Variants in PLEKHM3 observed in about 807,000 individuals in gnomAD.
PLEKHM3 encodes the protein pleckstrin homology domain-containing family M member 3.
PLEKHM3 carries 45 observed loss-of-function variants against 81.8 expected under a neutral mutation model. The observed-to-expected ratio is 0.55, with a 90% CI of 0.43 to 0.71. PLEKHM3 has a LOEUF of 0.71. Among genes scored for constraint, PLEKHM3 ranks in the 30% least tolerant of loss-of-function variants. The probability of loss-of-function intolerance (pLI) is 0.00; values close to 1 mark genes in which losing one functional copy is unlikely to be tolerated. For synonymous variants in PLEKHM3, 352 were observed against 356.4 expected, an observed-to-expected ratio of 0.99 and a Z score of 0.14; for missense variants, 788 against 924.3, an observed-to-expected ratio of 0.85 and a Z score of 1.91.
chr2:207,871,933 T>A (rs1358771430), intron 6 of PLEKHM3, among the ~76,000 whole-genome samples: 1 of 152,220 alleles, frequency 6.6e-6, no homozygotes, highest in Non-Finnish European at 1.5e-5. Context: ...CTGATTTAGG[T>A]CTCTACTATT....
intron 3 of PLEKHM3, among the ~76,000 whole-genome samples, chr2:207,968,929 TTCA>T (rs967426977): frequency 5.9e-5 from 9 of 152,222 alleles, no homozygotes; most frequent in Non-Finnish European, 1.2e-4. Context: ...TGAGTTTTCC[TTCA>T]TTGTCTTTTC....
At chr2:208,016,696 C>CACACACACACACA (rs368432659) in intron 1 of PLEKHM3, among the ~76,000 whole-genome samples, 58 of 148,386 alleles carry the variant, frequency 3.9e-4, no homozygotes, top group African/African-American at 5.2e-4. Flanking sequence ...CACACACACA[C>CACACACACACACA]CCTGGTTTCA....
intron 7 of PLEKHM3, among the ~76,000 whole-genome samples, chr2:207,857,323 T>C (rs2092441997): frequency 6.6e-6 from 1 of 152,244 alleles, no homozygotes; most frequent in African/African-American, 2.4e-5. Context: ...AAAATGAATC[T>C]GGACACTCTT....
At chr2:208,017,368 G>A (rs1281153591) in intron 1 of PLEKHM3, among the ~76,000 whole-genome samples, 1 of 152,050 alleles carries the variant, frequency 6.6e-6, no homozygotes, top group Non-Finnish European at 1.5e-5. Context: ...ATAAACCAAC[G>A]AACTGGTGGA....
At chr2:207,984,396 CT>C (rs996009765) in intron 2 of PLEKHM3, among the ~76,000 whole-genome samples, 70 of 146,958 alleles carry the variant, frequency 4.8e-4, no homozygotes, top group Non-Finnish European at 4.7e-4. Context: ...TCAAATATTT[CT>C]TTTTTTTTTT....
intron 5 of PLEKHM3, among the ~76,000 whole-genome samples, chr2:207,920,022 A>G (rs1314540506): frequency 1.3e-5 from 2 of 152,182 alleles, no homozygotes; most frequent in Non-Finnish European, 2.9e-5. Flanking sequence ...AAAAGTGGCA[A>G]TCTTTATAAT....
Position 207,826,809 on chromosome 2 carries a change from C to T in PLEKHM3, c.*1510G>A, listed in dbSNP as rs2092253968. On this transcript the variant is annotated 3_prime_UTR_variant, in exon 8 of 8. Coordinates refer to ENST00000427836, the MANE Select transcript of PLEKHM3 (RefSeq NM_001080475.3). ...AGACATAGAAGGCATCTGCTCAGCG[C>T]GAAAGCTACAGAATCTTCTCATAAA... 1 of 152,132 alleles carries T rather than the reference C, an allele frequency of 6.6e-6. No individual in the cohort carries two copies. The highest frequency in any genetic ancestry group is 2.1e-4 in the South Asian group (1 of 4,834). The allele number at this position is 152,132 out of a possible 1,614,324, so 9.4% of individuals were successfully genotyped here.
At chr2:207,994,382 A>G (rs1011602979) in intron 2 of PLEKHM3, among the ~76,000 whole-genome samples, 1 of 152,234 alleles carries the variant, frequency 6.6e-6, no homozygotes, top group Non-Finnish European at 1.5e-5. Context: ...TCATTACTCA[A>G]TGAACAAGAA....
intron 7 of PLEKHM3, among the ~76,000 whole-genome samples, chr2:207,842,158 C>T (rs185887790): frequency 1.5e-4 from 23 of 152,264 alleles, no homozygotes; most frequent in Non-Finnish European, 5.9e-5. Flanking sequence ...AGGATGGCCT[C>T]GATCTGACCT....
At position 207,977,401 on chromosome 2, in the gene PLEKHM3, A is replaced by G. The variant is rs1448941854; in HGVS notation, c.796T>C (p.Ser266Pro). ...TYQLSHFQSISVLGNLEARMV... is the reference protein window; with the variant it reads ...TYQLSHFQSIPVLGNLEARMV... Reference sequence around the variant, plus strand: ...CTGGCCTCCAGGTTGCCTAAAACAGATATGCTCTGGAAGTGTGAAAGCTGG... The same window carrying G: ...CTGGCCTCCAGGTTGCCTAAAACAGGTATGCTCTGGAAGTGTGAAAGCTGG... The change falls in exon 3 of 8, where the codon TCT becomes CCT. Residue 266 changes from serine to proline, a missense_variant. Ser to Pro is a moderately conservative substitution (Grantham distance 74, BLOSUM62 -1). Transcript: ENST00000427836. 1.9e-6 allele frequency: 3 copies of G among 1,614,144 alleles called. No individual in the cohort carries two copies. The South Asian group carries it at 3.3e-5, about 18-fold the overall frequency.
At chr2:207,865,801 AAGATATAT>A (rs1182037298) in intron 6 of PLEKHM3, among the ~76,000 whole-genome samples, 7 of 25,290 alleles carry the variant, frequency 2.8e-4, no homozygotes, top group African/African-American at 1.5e-3. Context: ...AAAAAAAAAA[AAGATATAT>A]ATATATATAT....
chr2:207,833,111 C>CAAAAAA (rs71036960), intron 7 of PLEKHM3, among the ~76,000 whole-genome samples: 9 of 76,858 alleles, frequency 1.2e-4, no homozygotes, highest in Non-Finnish European at 1.3e-4. Context: ...GACACCATCT[C>CAAAAAA]AAAAAAAAAA....
chr2:207,981,475 A>G (rs1691521176), intron 2 of PLEKHM3, among the ~76,000 whole-genome samples: 2 of 152,118 alleles, frequency 1.3e-5, no homozygotes. Context: ...CCTCCTAAGT[A>G]GCTGGGAGTA....
At chr2:208,007,419 C>T (rs1692530020) in intron 1 of PLEKHM3, among the ~76,000 whole-genome samples, 1 of 152,126 alleles carries the variant, frequency 6.6e-6, no homozygotes, top group African/African-American at 2.4e-5. Context: ...GGAGCACAGG[C>T]ATGCCGCAAG....
Position 207,876,475 on chromosome 2 carries a change from A to G in PLEKHM3, c.1951-15213T>C, listed in dbSNP as rs549408744. On this transcript the variant is annotated intron_variant, in intron 6 of 7. Coordinates refer to ENST00000427836, the MANE Select transcript of PLEKHM3 (RefSeq NM_001080475.3). ...AAAAGTTCTTGAAAATTGCCTATCA[A>G]TGAATCTGTCATGACTATATCAGGC... Among the ~76,000 whole-genome samples, 14 of 152,340 alleles carry G rather than the reference A, an allele frequency of 9.2e-5. No homozygotes were observed. In the South Asian group the frequency reaches 2.9e-3, roughly 32 times the overall value.
At chr2:207,968,202 T>G (rs543725240) in intron 3 of PLEKHM3, among the ~76,000 whole-genome samples, 1 of 152,190 alleles carries the variant, frequency 6.6e-6, no homozygotes, top group African/African-American at 2.4e-5. Context: ...TTGTGTGCCC[T>G]CAGACTATAA....
At chr2:207,904,329 G>A (rs1244564917) in intron 6 of PLEKHM3, among the ~76,000 whole-genome samples, 1 of 152,156 alleles carries the variant, frequency 6.6e-6, no homozygotes, top group African/African-American at 2.4e-5. Flanking sequence ...GGAAGGCCAT[G>A]CTCCCTGGAG....
chr2:207,922,020 A>G (rs1689198847), intron 5 of PLEKHM3, among the ~76,000 whole-genome samples: 1 of 152,232 alleles, frequency 6.6e-6, no homozygotes, highest in Admixed American at 6.5e-5. Flanking sequence ...TTGCTGGATC[A>G]TATGGTAGCT....
Position 207,964,793 on chromosome 2 carries a change from A to G in PLEKHM3, c.1546+11858T>C, listed in dbSNP as rs547463678. ...ACTGTAATTTAATTAAAACTTTTTT[A>G]TGTTAACATATTTCAAGGTATAAAG... On this transcript the variant is annotated intron_variant, in intron 3 of 7. Coordinates refer to ENST00000427836, the MANE Select transcript of PLEKHM3 (RefSeq NM_001080475.3). Among the ~76,000 whole-genome samples the G allele has an allele frequency of 7.2e-5, 11 of 152,258 alleles. No homozygotes were observed. The South Asian group carries it at 1.5e-3, about 20-fold the overall frequency.
Sources: allele counts gnomAD v4.1 joint callset (sites outside exome capture counted in the v4.1 genomes callset), GRCh38; gene constraint gnomAD v4.1.1; transcripts MANE v1.5; gene names NCBI Gene and HGNC (gene_info 2026-07-23, HGNC 2026-07-21).